The following ZDHHC14 variants were observed in gnomAD, a reference collection of about 807,000 sequenced individuals.
ZDHHC14 encodes zDHHC palmitoyltransferase 14.
In ZDHHC14, 16 loss-of-function variants were observed where a neutral mutation model predicts 47.7. The observed-to-expected ratio is 0.34, with a 90% CI of 0.23 to 0.51. ZDHHC14 has a LOEUF of 0.51. Ranked by LOEUF, ZDHHC14 falls within the 20% of genes least tolerant of loss-of-function variation. ZDHHC14 has a pLI of 0.97. For synonymous variants in ZDHHC14, 293 were observed against 278.9 expected, an observed-to-expected ratio of 1.05 and a Z score of -0.50; for missense variants, 515 against 662.5, an observed-to-expected ratio of 0.78 and a Z score of 2.44.
intron 1 of ZDHHC14, among the ~76,000 whole-genome samples, chr6:157,417,022 GT>G (rs1401146387): frequency 1.4e-4 from 18 of 132,424 alleles, no homozygotes; most frequent in African/African-American, 4.9e-4. Flanking sequence ...TAGAGACAGG[GT>G]TTCACTGTGT....
At chr6:157,607,301 A>C (rs1699454900) in intron 3 of ZDHHC14, among the ~76,000 whole-genome samples, 1 of 152,084 alleles carries the variant, frequency 6.6e-6, no homozygotes, top group Non-Finnish European at 1.5e-5. Context: ...TTATCTCTCC[A>C]CCCAACCAAG....
In ZDHHC14 at chr6:157,421,132, G is replaced by A. The variant is rs142973057; in HGVS notation, c.245+38866G>A. On this transcript the variant is annotated intron_variant, in intron 1 of 8. Transcript: ENST00000359775. ...AATAAAGATGGGTGTTATTATGACCGCAGAGCCCAGAATTGATATCAAGTA... is the reference window on the plus strand; with the variant it reads ...AATAAAGATGGGTGTTATTATGACCACAGAGCCCAGAATTGATATCAAGTA... 4.3e-3 allele frequency among the ~76,000 whole-genome samples: 648 copies of A among 152,074 alleles called. 4 individuals carry two copies. The highest frequency in any genetic ancestry group is 6.3e-3 in the Non-Finnish European group (428 of 67,986).
chr6:157,519,729 A>G (rs1780846951), intron 1 of ZDHHC14, among the ~76,000 whole-genome samples: 1 of 152,196 alleles, frequency 6.6e-6, no homozygotes, highest in African/African-American at 2.4e-5. Flanking sequence ...CCTCTGCAAA[A>G]CGAAAGGATT....
intron 3 of ZDHHC14, among the ~76,000 whole-genome samples, chr6:157,604,033 G>C (rs374567455): frequency 1.3e-5 from 2 of 152,276 alleles, no homozygotes. Context: ...TGTCTGTACT[G>C]AATGGGTACA....
chr6:157,556,210 C>A (rs1046606036), intron 2 of ZDHHC14, among the ~76,000 whole-genome samples: 2 of 138,826 alleles, frequency 1.4e-5, no homozygotes, highest in African/African-American at 5.4e-5. Context: ...ACAAGGCAGG[C>A]GTCAGCAGGC....
intron 1 of ZDHHC14, among the ~76,000 whole-genome samples, chr6:157,532,338 A>G (rs1252806168): frequency 6.6e-6 from 1 of 152,268 alleles, no homozygotes; most frequent in African/African-American, 2.4e-5. Flanking sequence ...AACAGTGCTC[A>G]CTGATGAGCT....
chr6:157,468,600 T>G (rs1438043101), intron 1 of ZDHHC14, among the ~76,000 whole-genome samples: 1 of 152,210 alleles, frequency 6.6e-6, no homozygotes, highest in Non-Finnish European at 1.5e-5. Context: ...AAAGTATGTT[T>G]TCAGAATGAT....
intron 5 of ZDHHC14, among the ~76,000 whole-genome samples, chr6:157,640,806 T>C (rs920977797): frequency 6.6e-6 from 1 of 152,180 alleles, no homozygotes; most frequent in Non-Finnish European, 1.5e-5. Flanking sequence ...TACGAGAATA[T>C]GTTCTCGTTG....
intron 1 of ZDHHC14, among the ~76,000 whole-genome samples, chr6:157,470,228 T>G (rs1422392787): frequency 1.3e-5 from 2 of 152,248 alleles, no homozygotes; most frequent in Non-Finnish European, 2.9e-5. Context: ...GTTAAAATGC[T>G]ACTACTTATA....
intron 3 of ZDHHC14, among the ~76,000 whole-genome samples, chr6:157,598,891 A>G (rs539662812): frequency 6.6e-6 from 1 of 152,386 alleles, no homozygotes; most frequent in South Asian, 2.1e-4. Context: ...AAAGGCAGAT[A>G]TCACACTGAA....
intron 2 of ZDHHC14, among the ~76,000 whole-genome samples, chr6:157,590,674 CAGAGCCCCCACAT>C (rs756734751): frequency 5.3e-5 from 8 of 152,228 alleles, no homozygotes; most frequent in Non-Finnish European, 8.8e-5. Context: ...AATGTGGGGT[CAGAGCCCCCACAT>C]AGAGCCCCCA....
intron 3 of ZDHHC14, 95 bp downstream of exon 3, chr6:157,593,241 T>A: frequency 7.0e-7 from 1 of 1,431,350 alleles, no homozygotes; most frequent in African/African-American, 1.4e-5. Flanking sequence ...TCAGTAATGG[T>A]TAATATTTCA....
At chr6:157,576,123 C>T (rs369427086) in intron 2 of ZDHHC14, among the ~76,000 whole-genome samples, 1 of 152,336 alleles carries the variant, frequency 6.6e-6, no homozygotes, top group Admixed American at 6.5e-5. Context: ...TGAGCCCTTC[C>T]TCAGGCATCC....
intron 1 of ZDHHC14, among the ~76,000 whole-genome samples, chr6:157,428,553 A>G (rs1778270250): frequency 6.6e-6 from 1 of 152,090 alleles, no homozygotes; most frequent in Non-Finnish European, 1.5e-5. Context: ...TGCCCTCTGA[A>G]ACTAGTGGCC....
At chr6:157,461,460 C>T (rs942456810) in intron 1 of ZDHHC14, among the ~76,000 whole-genome samples, 1 of 152,184 alleles carries the variant, frequency 6.6e-6, no homozygotes, top group Non-Finnish European at 1.5e-5. Context: ...ACTTTGCTTT[C>T]CTGAACGCAT....
intron 3 of ZDHHC14, among the ~76,000 whole-genome samples, chr6:157,615,568 C>T (rs917986909): frequency 6.6e-6 from 1 of 152,208 alleles, no homozygotes; most frequent in African/African-American, 2.4e-5. Context: ...CCTTTTATAG[C>T]ATATCCGACT....
At chr6:157,594,521 G>A (rs564690513) in intron 3 of ZDHHC14, among the ~76,000 whole-genome samples, 1 of 152,296 alleles carries the variant, frequency 6.6e-6, no homozygotes, top group Non-Finnish European at 1.5e-5. Flanking sequence ...ATGGGATAGT[G>A]GAGAGAATAA....
intron 1 of ZDHHC14, among the ~76,000 whole-genome samples, chr6:157,392,171 T>C (rs911454017): frequency 5.9e-5 from 9 of 152,178 alleles, no homozygotes; most frequent in African/African-American, 1.9e-4. Context: ...ATTCATTGGC[T>C]TTTATGTGAT....
At chr6:157,509,477 T>C (rs1461748318) in intron 1 of ZDHHC14, among the ~76,000 whole-genome samples, 1 of 152,158 alleles carries the variant, frequency 6.6e-6, no homozygotes, top group East Asian at 1.9e-4. Context: ...TTAAAAAATA[T>C]GAAAACTGAG....
Sources: allele counts gnomAD v4.1 joint callset (sites outside exome capture counted in the v4.1 genomes callset), GRCh38; gene constraint gnomAD v4.1.1; transcripts MANE v1.5; gene names NCBI Gene and HGNC (gene_info 2026-07-23, HGNC 2026-07-21).